Variants in PFKP observed in about 807,000 individuals in gnomAD.
PFKP encodes phosphofructokinase, platelet.
Under a neutral mutation model 94.3 loss-of-function variants are expected in PFKP, and 101 were observed. The ratio of observed to expected loss-of-function variants is 1.07; its 90% CI spans 0.91 to 1.26. PFKP has a LOEUF of 1.26. PFKP is among the 50% of genes most tolerant of loss of function. The pLI is 0.00. For missense variants in PFKP, 1,145 were observed against 1,103.3 expected (o/e 1.04, Z -0.53); for synonymous variants, 573 against 432.6 (o/e 1.32, Z -4.03).
chr10:3,071,427 G>GTTT (rs569603765), intron 1 of PFKP, among the ~76,000 whole-genome samples: 258 of 92,396 alleles, frequency 2.8e-3, no homozygotes, highest in African/African-American at 9.3e-3. Context: ...GTCTCAGGCT[G>GTTT]TTTTTTTTTT....
In PFKP at chr10:3,112,260, T is replaced by G. The variant is rs773246958; in HGVS notation, c.1128T>G (p.Phe376Leu). The change falls in exon 11 of 22, where the codon TTT becomes TTG. Residue 376 changes from phenylalanine (F) to leucine (L), a missense_variant. By Grantham distance (22) the Phe-to-Leu change is conservative (BLOSUM62 0). Transcript: ENST00000381125. ...AGAAGGCGATGGACGAGAGGAGATT[T>G]CAAGATGCGGTTCGACTCCGAGGGA... ...DVQKAMDERR[F>L]QDAVRLRGRS... The G allele has an allele frequency of 5.6e-6, 9 of 1,613,980 alleles. No homozygotes were observed. The highest frequency in any genetic ancestry group is 5.9e-6 in the Non-Finnish European group (7 of 1,179,836).
intron 1 of PFKP, among the ~76,000 whole-genome samples, chr10:3,080,970 T>G (rs1372341504): frequency 6.6e-6 from 1 of 152,182 alleles, no homozygotes; most frequent in Non-Finnish European, 1.5e-5. Context: ...TGAGATGACC[T>G]GCATTTTGAA....
At chr10:3,077,756 A>C (rs1278170288) in intron 1 of PFKP, among the ~76,000 whole-genome samples, 1 of 152,046 alleles carries the variant, frequency 6.6e-6, no homozygotes, top group African/African-American at 2.4e-5. Context: ...CCGTCCTGTG[A>C]CTCTCTTACC....
rs143501551 is a variant in PFKP at position 3,133,867 on chromosome 10, CTTATTCAAA to C, written c.2022+557_2022+565del. ...GTGATACCCCCATTACTTGGAAATG[CTTATTCAAA>C]TTAAACACTTCATCAAGTTAAAAAC... On this transcript the variant is annotated intron_variant, in intron 19 of 21. Coordinates refer to ENST00000381125, the MANE Select transcript of PFKP (RefSeq NM_002627.5). Among the ~76,000 whole-genome samples, 888 of 152,304 alleles carry C rather than the reference CTTATTCAAA, an allele frequency of 5.8e-3. 7 individuals carry two copies. Among genetic ancestry groups the C allele is most frequent in the African/African-American group, 0.021 (857 of 41,568 alleles).
chr10:3,096,659 C>CCG (rs369300834), intron 2 of PFKP, among the ~76,000 whole-genome samples: 8 of 151,456 alleles, frequency 5.3e-5, no homozygotes, highest in Non-Finnish European at 1.2e-4. Flanking sequence ...CCTTGCCCCC[C>CCG]CGAGCTTCAT....
At chr10:3,079,234 T>C (rs776610215) in intron 1 of PFKP, among the ~76,000 whole-genome samples, 4 of 115,188 alleles carry the variant, frequency 3.5e-5, no homozygotes, top group Non-Finnish European at 5.8e-5. Context: ...TTGTGTATCA[T>C]GTCCAGCTTT....
chr10:3,091,967 C>T (rs974251144), intron 2 of PFKP, among the ~76,000 whole-genome samples: 1 of 152,150 alleles, frequency 6.6e-6, no homozygotes, highest in African/African-American at 2.4e-5. Context: ...AAAAATAACA[C>T]ATTCAAAAGG....
At chr10:3,089,750 T>C (rs1253982187) in intron 2 of PFKP, among the ~76,000 whole-genome samples, 2 of 151,150 alleles carry the variant, frequency 1.3e-5, no homozygotes, top group Non-Finnish European at 2.9e-5. Context: ...TTATATATTA[T>C]TAAACATTAT....
At chr10:3,110,667 T>G (rs79922053) in intron 10 of PFKP, among the ~76,000 whole-genome samples, 1 of 152,048 alleles carries the variant, frequency 6.6e-6, no homozygotes. Context: ...GAGAAAATAG[T>G]ATTTGTGTGT....
chr10:3,111,191 G>T (rs1836200110), intron 10 of PFKP, among the ~76,000 whole-genome samples: 1 of 151,392 alleles, frequency 6.6e-6, no homozygotes, highest in Non-Finnish European at 1.5e-5. Context: ...TTTGTGAGAG[G>T]TAGTATGTGC....
At chr10:3,118,364 A>G (rs1837037710) in intron 14 of PFKP, among the ~76,000 whole-genome samples, 1 of 152,134 alleles carries the variant, frequency 6.6e-6, no homozygotes, top group Admixed American at 6.5e-5. Context: ...GCTACTCGGG[A>G]GGCTGAGGCA....
chr10:3,105,142 G>T lies in PFKP; in HGVS notation c.648G>T (p.Val216=). The change falls in exon 6 of 22, where the codon GTG becomes GTT. Residue 216 remains valine (V), a synonymous_variant. Coordinates refer to ENST00000381125, the MANE Select transcript of PFKP (RefSeq NM_002627.5). ...ACCAGAGGACCTTCGTTCTGGAGGT[G>T]ATGGGACGACACTGTGGGTACGTAC... ...QSHQRTFVLE[V]MGRHCGYLAL... 1 of 1,613,954 alleles carries T rather than the reference G, an allele frequency of 6.2e-7. No individual in the cohort carries two copies. Among genetic ancestry groups the T allele is most frequent in the African/African-American group, 1.3e-5 (1 of 74,982 alleles).
At chr10:3,077,274 T>TTC (rs1554757519) in intron 1 of PFKP, among the ~76,000 whole-genome samples, 3 of 137,288 alleles carry the variant, frequency 2.2e-5, no homozygotes, top group Non-Finnish European at 4.7e-5. Context: ...TTTTTTTTTT[T>TTC]TTTTTTGAGA....
rs1349075872 is a variant in PFKP, at chr10:3,103,944, G to C, written c.620G>C (p.Ser207Thr). 6.2e-7 allele frequency: 1 copy of C among 1,613,236 alleles called. No individual in the cohort carries two copies. The highest frequency in any genetic ancestry group is 8.5e-7 in the Non-Finnish European group (1 of 1,179,930). Reference protein sequence around the residue: ...VVDAIMTTAQSHQRTFVLEVM... With the variant: ...VVDAIMTTAQTHQRTFVLEVM... ...GACGCCATCATGACCACGGCCCAGA[G>C]GTAAAGCGCTCAGAGGAACCGGCGG... The change falls in exon 5 of 22, where the codon AGC (serine) becomes ACC (threonine). Residue 207 changes from serine to threonine, a missense_variant and splice_region_variant. Physicochemically the swap from Ser to Thr is moderately conservative, Grantham distance 58. Around this residue, in one of 3 missense-constraint regions of PFKP, gnomAD observed 1,119 missense variants for 1,062.8 expected, o/e 1.05. Transcript: ENST00000381125.
chr10:3,125,827 A>G (rs1313522942), intron 16 of PFKP, among the ~76,000 whole-genome samples: 1 of 152,112 alleles, frequency 6.6e-6, no homozygotes, highest in Non-Finnish European at 1.5e-5. Flanking sequence ...ACTCTGACCT[A>G]CCTCTATGGT....
chr10:3,080,378 G>A (rs552761092), intron 1 of PFKP, among the ~76,000 whole-genome samples: 6 of 152,116 alleles, frequency 3.9e-5, no homozygotes, highest in South Asian at 4.1e-4. Flanking sequence ...TTAGCCAGGC[G>A]TGGTGGCGGG....
chr10:3,126,038 T>C (rs1265202976), intron 16 of PFKP, among the ~76,000 whole-genome samples: 1 of 152,194 alleles, frequency 6.6e-6, no homozygotes, highest in Non-Finnish European at 1.5e-5. Context: ...CAGCAGCCAC[T>C]GGCCTTTACC....
intron 2 of PFKP, among the ~76,000 whole-genome samples, chr10:3,090,587 C>A (rs1833967496): frequency 1.3e-5 from 2 of 151,974 alleles, no homozygotes; most frequent in Admixed American, 1.3e-4. Context: ...GCGTCATACC[C>A]ACAGGCTGGG....
At chr10:3,067,739 GA>G in intron 1 of PFKP, 32 bp downstream of exon 1, 1 of 1,185,922 alleles carries the variant, frequency 8.4e-7, no homozygotes, top group Non-Finnish European at 1.2e-6. Flanking sequence ...GCGAGGGAGG[GA>G]CGGACGGACG....
Sources: allele counts gnomAD v4.1 joint callset (sites outside exome capture counted in the v4.1 genomes callset), GRCh38; gene constraint gnomAD v4.1.1; regional missense constraint gnomAD v4.1.1; transcripts MANE v1.5; gene names NCBI Gene and HGNC (gene_info 2026-07-23, HGNC 2026-07-21).